The following GOLT1B variants were observed in gnomAD, a reference collection of about 807,000 sequenced individuals.
GOLT1B encodes golgi transport 1B.
In GOLT1B, 3 loss-of-function variants were observed where a neutral mutation model predicts 15.4. The ratio of observed to expected loss-of-function variants is 0.19; its 90% CI spans 0.09 to 0.50. GOLT1B has a LOEUF of 0.50. Among genes scored for constraint, GOLT1B ranks in the 20% least tolerant of loss-of-function variants. The pLI is 0.97. For missense variants in GOLT1B, 145 were observed against 160.4 expected, an observed-to-expected ratio of 0.90 and a Z score of 0.52; for synonymous variants, 65 against 56.2, an observed-to-expected ratio of 1.16 and a Z score of -0.70.
rs1301745573 is a variant in GOLT1B, at chr12:21,508,406, T to G, written c.141T>G (p.Ala47=). The change falls in exon 3 of 5, where the codon GCT becomes GCG. Residue 47 remains alanine, a synonymous_variant. Coordinates refer to ENST00000229314, the MANE Select transcript of GOLT1B (RefSeq NM_016072.5). ...AGGTTTTATTTGTAGCCGGCTTGGC[T>G]TTTGTAATTGGTTTAGAAAGAACAT... is the stretch of plus-strand genomic sequence containing the variant. ...IGNVLFVAGL[A]FVIGLERTFR... The G allele has an allele frequency of 1.3e-6, 2 of 1,578,030 alleles. No homozygotes were observed. The highest frequency in any genetic ancestry group is 2.8e-5 in the African/African-American group (2 of 72,654).
At chr12:21,515,547 C>T (rs1591764382) in intron 4 of GOLT1B, 122 bp from the exon 5 acceptor site, 2 of 662,562 alleles carry the variant, frequency 3.0e-6, no homozygotes, top group East Asian at 5.5e-5. Flanking sequence ...GTCAGTCATA[C>T]CTTAAATTTC....
chr12:21,514,911 T>C (rs1003562095), intron 4 of GOLT1B, among the ~76,000 whole-genome samples: 52 of 152,102 alleles, frequency 3.4e-4, no homozygotes, highest in Middle Eastern at 6.8e-3. Context: ...AATTTGATAG[T>C]ATAACCACCT....
chr12:21,502,431 C>T (rs878990827), intron 1 of GOLT1B, among the ~76,000 whole-genome samples: 58 of 152,202 alleles, frequency 3.8e-4, no homozygotes, highest in African/African-American at 1.3e-3. Context: ...TTGAAAATGT[C>T]CTTACGCTTA....
At position 21,507,027 on chromosome 12, in the gene GOLT1B, A is replaced by G. The variant is rs141835697; in HGVS notation, c.117+51A>G. 1.3e-3 allele frequency: 1,006 copies of G among 752,902 alleles called. 12 individuals are homozygous for G. In the African/African-American group the frequency reaches 0.016, roughly 12 times the overall value. 46.6% of individuals were successfully genotyped at this position (752,902 alleles called of 1,614,324 possible). ...CTAAATTTATAAGGAAATTTTAACT[A>G]CGAATGAATTATTATCTGCTATTAA... On this transcript the variant is annotated intron_variant, in intron 2 of 4. Coordinates refer to ENST00000229314, the MANE Select transcript of GOLT1B (RefSeq NM_016072.5).
chr12:21,502,436 C>G (rs772036705), intron 1 of GOLT1B, among the ~76,000 whole-genome samples: 1 of 152,164 alleles, frequency 6.6e-6, no homozygotes, highest in African/African-American at 2.4e-5. Context: ...AATGTCCTTA[C>G]GCTTAAATGT....
Position 21,501,831 on chromosome 12 carries a change from G to T in GOLT1B, c.-93G>T, listed in dbSNP as rs985857332. 2.3e-6 allele frequency: 2 copies of T among 879,238 alleles called. No individual in the cohort carries two copies. The highest frequency in any genetic ancestry group is 2.6e-5 in the East Asian group (1 of 38,838). The allele number at this position is 879,238 out of a possible 1,614,324, so 54.5% of individuals were successfully genotyped here. A position where few individuals can be genotyped will look rare whatever the true frequency, so the allele number is the denominator to read the frequency against. ...GTTTCCGGAAGACGTGGCGGCTCTC[G>T]CCTGGGCTGTTTCCCGGCTTCATTT... On this transcript the variant is annotated 5_prime_UTR_variant, in exon 1 of 5. Coordinates refer to ENST00000229314, the MANE Select transcript of GOLT1B (RefSeq NM_016072.5).
At chr12:21,511,444 G>A (rs978836328) in intron 3 of GOLT1B, among the ~76,000 whole-genome samples, 12 of 149,700 alleles carry the variant, frequency 8.0e-5, no homozygotes, top group Admixed American at 2.1e-4. Flanking sequence ...TACTAGGCAT[G>A]ATTGATTAAA....
At chr12:21,507,072 C>G (rs962277055) in intron 2 of GOLT1B, 96 bp downstream of exon 2, 2 of 682,032 alleles carry the variant, frequency 2.9e-6, no homozygotes, top group Admixed American at 2.1e-5. Flanking sequence ...AAATAATTCA[C>G]TATTACTCAT....
chr12:21,503,025 C>T (rs1016091747), intron 1 of GOLT1B, among the ~76,000 whole-genome samples: 1 of 152,208 alleles, frequency 6.6e-6, no homozygotes, highest in Non-Finnish European at 1.5e-5. Context: ...CACACACTGC[C>T]ACCCCCCAAT....
At chr12:21,504,283 G>C (rs1264397300) in intron 1 of GOLT1B, among the ~76,000 whole-genome samples, 1 of 152,170 alleles carries the variant, frequency 6.6e-6, no homozygotes. Flanking sequence ...GAAGAAGGCA[G>C]CTCTATGCAA....
chr12:21,504,874 A>T (rs960786059), intron 1 of GOLT1B, among the ~76,000 whole-genome samples: 2 of 152,220 alleles, frequency 1.3e-5, no homozygotes, highest in Non-Finnish European at 2.9e-5. Flanking sequence ...CCCCTAAAAG[A>T]TGCGTCCCCC....
chr12:21,511,699 A>G (rs1298012869), intron 3 of GOLT1B, among the ~76,000 whole-genome samples: 2 of 152,244 alleles, frequency 1.3e-5, no homozygotes. Flanking sequence ...AAGACCAAAT[A>G]TATATTTCAC....
At chr12:21,507,577 A>C (rs1943688707) in intron 2 of GOLT1B, among the ~76,000 whole-genome samples, 1 of 151,752 alleles carries the variant, frequency 6.6e-6, no homozygotes, top group Non-Finnish European at 1.5e-5. Flanking sequence ...TTTAACTGGA[A>C]ATGGGAAAAG....
intron 1 of GOLT1B, among the ~76,000 whole-genome samples, chr12:21,503,108 T>C (rs1303484917): frequency 6.6e-6 from 1 of 152,210 alleles, no homozygotes; most frequent in Non-Finnish European, 1.5e-5. Flanking sequence ...TGCCGCCCAC[T>C]TTGGTCCATT....
At position 21,517,300 on chromosome 12, in the gene GOLT1B, C is replaced by A. The variant is rs180969722; in HGVS notation, c.*1593C>A. On this transcript the variant is annotated 3_prime_UTR_variant, in exon 5 of 5. Transcript: ENST00000229314. ...ATTTTTGGTACTTGCATTTGACTTA[C>A]GATGTATCTGTGAAAATGGGATGAT... 1 of 152,372 alleles carries A rather than the reference C, an allele frequency of 6.6e-6. No homozygotes were observed. Among genetic ancestry groups the A allele is most frequent in the African/African-American group, 2.4e-5 (1 of 41,406 alleles). The allele number at this position is 152,372 out of a possible 1,614,324, so 9.4% of individuals were successfully genotyped here. A position where few individuals can be genotyped will look rare whatever the true frequency, so the allele number is the denominator to read the frequency against.
At chr12:21,506,058 A>G (rs970703942) in intron 1 of GOLT1B, among the ~76,000 whole-genome samples, 7 of 152,124 alleles carry the variant, frequency 4.6e-5, no homozygotes, top group Non-Finnish European at 7.4e-5. Flanking sequence ...CTACCACTGT[A>G]TATTCAGTAC....
chr12:21,516,970 C>A lies in GOLT1B; in HGVS notation c.*1263C>A, dbSNP rs775734734. 1 of 152,376 alleles carries A rather than the reference C, an allele frequency of 6.6e-6. No individual in the cohort carries two copies. Among genetic ancestry groups the A allele is most frequent in the South Asian group, 2.1e-4 (1 of 4,832 alleles). 9.4% of individuals were successfully genotyped at this position (152,376 alleles called of 1,614,324 possible). A position where few individuals can be genotyped will look rare whatever the true frequency, so the allele number is the denominator to read the frequency against. On this transcript the variant is annotated 3_prime_UTR_variant, in exon 5 of 5. Coordinates refer to ENST00000229314, the MANE Select transcript of GOLT1B (RefSeq NM_016072.5). ...TTAGACAGTAGGAAATAGCTGTTTTCTTTAGTTTTACAAGATGTGACAGCT... is the reference window on the plus strand; with the variant it reads ...TTAGACAGTAGGAAATAGCTGTTTTATTTAGTTTTACAAGATGTGACAGCT...
At position 21,508,165 on chromosome 12, in the gene GOLT1B, G is replaced by T; in HGVS notation, c.118-218G>T. Reference sequence around the variant, plus strand: ...TTCTCCATTTAATCAAGATAGAAGAGGAATGAGACAAGTGGAACAAAGCTA... The same window carrying T: ...TTCTCCATTTAATCAAGATAGAAGATGAATGAGACAAGTGGAACAAAGCTA... On this transcript the variant is annotated intron_variant, in intron 2 of 4. Coordinates refer to ENST00000229314, the MANE Select transcript of GOLT1B (RefSeq NM_016072.5). 4 of 527,502 alleles carry T rather than the reference G, an allele frequency of 7.6e-6. No homozygotes were observed. The South Asian group carries it at 9.3e-5, about 12-fold the overall frequency. 32.7% of individuals were successfully genotyped at this position (527,502 alleles called of 1,614,324 possible).
At chr12:21,503,229 C>T (rs193221370) in intron 1 of GOLT1B, among the ~76,000 whole-genome samples, 151 of 152,286 alleles carry the variant, frequency 9.9e-4, no homozygotes, top group African/African-American at 3.3e-3. Flanking sequence ...TTCAGTTAAC[C>T]ATGTGCTTTC....
Sources: allele counts gnomAD v4.1 joint callset (sites outside exome capture counted in the v4.1 genomes callset), GRCh38; gene constraint gnomAD v4.1.1; transcripts MANE v1.5; gene names NCBI Gene and HGNC (gene_info 2026-07-23, HGNC 2026-07-21).